The following PLP2 variants were observed in gnomAD, a reference collection of about 807,000 sequenced individuals.
The protein encoded by PLP2 is A4 differentiation-dependent protein.
In PLP2, 8 loss-of-function variants were observed where a neutral mutation model predicts 11.4. That is an observed-to-expected ratio of 0.70 (90% CI 0.41 to 1.27). The LOEUF (loss-of-function observed/expected upper bound fraction) is 1.27. Ranked by LOEUF, PLP2 falls within the 50% of genes most tolerant of loss-of-function variation. The pLI is 0.01. For missense variants in PLP2, 127 were observed against 123.5 expected (o/e 1.03, Z -0.14); for synonymous variants, 50 against 53.2 (o/e 0.94, Z 0.26).
chrX:49,173,277 G>T lies in PLP2; in HGVS notation c.245G>T (p.Trp82Leu). ...HTKIPFINWP[W>L]SDFFRTLIAA... ...AAGATACCATTCATCAACTGGCCCT[G>T]GAGTGTGAGAAGGGGTCCACAATGG... Residue 82 changes from tryptophan to leucine, a missense_variant, in exon 2 of 5, where the codon TGG becomes TTG. By Grantham distance (61) the Trp-to-Leu change is moderately conservative. Transcript: ENST00000376327. 13 of 1,211,122 alleles carry T rather than the reference G, an allele frequency of 1.1e-5. No homozygotes were observed. Among genetic ancestry groups the T allele is most frequent in the Non-Finnish European group, 1.5e-5 (13 of 894,905 alleles).
At chrX:49,173,365 C>A in intron 2 of PLP2, 23 bp from the exon 3 acceptor site, 1 of 1,208,139 alleles carries the variant, frequency 8.3e-7, no homozygotes, top group Non-Finnish European at 1.1e-6. Context: ...TGACTTCCCT[C>A]TTCTCCTCCC....
chrX:49,172,013 G>C lies in PLP2; in HGVS notation c.13G>C (p.Glu5Gln). 1 of 1,202,139 alleles carries C rather than the reference G, an allele frequency of 8.3e-7. No homozygotes were observed. Among genetic ancestry groups the C allele is most frequent in the Non-Finnish European group, 1.1e-6 (1 of 887,098 alleles). Residue 5 changes from glutamate (E) to glutamine (Q), a missense_variant, in exon 1 of 5, where the codon GAG (glutamate) becomes CAG (glutamine). Transcript: ENST00000376327. ...TCCAGCCCATGCCATGGCGGATTCT[G>C]AGCGCCTCTCGGCTCCTGGCTGCTG... MADS[E>Q]RLSAPGCWAA...
Position 49,172,210 on chromosome X carries a change from G to A in PLP2, c.96+114G>A. The A allele has an allele frequency of 1.1e-5, 6 of 560,614 alleles. No individual in the cohort carries two copies. The South Asian group carries it at 1.5e-4, about 14-fold the overall frequency. 46.2% of individuals were successfully genotyped at this position (560,614 alleles called of 1,213,427 possible). ...TGGCCGGGGCGCTCGGCAGTGGGGTGCAGGTGGGTGGGTTCACGGTGGAGG... is the reference window on the plus strand; with the variant it reads ...TGGCCGGGGCGCTCGGCAGTGGGGTACAGGTGGGTGGGTTCACGGTGGAGG... On this transcript the variant is annotated intron_variant, in intron 1 of 4. Coordinates refer to ENST00000376327, the MANE Select transcript of PLP2 (RefSeq NM_002668.3).
Position 49,171,992 on chromosome X carries a change from G to A in PLP2, c.-9G>A. On this transcript the variant is annotated 5_prime_UTR_variant, in exon 1 of 5. Coordinates refer to ENST00000376327, the MANE Select transcript of PLP2 (RefSeq NM_002668.3). Reference sequence around the variant, plus strand: ...ATCCTCCGAGGCACCAGGGACTCCAGCCCATGCCATGGCGGATTCTGAGCG... The same window carrying A: ...ATCCTCCGAGGCACCAGGGACTCCAACCCATGCCATGGCGGATTCTGAGCG... The A allele has an allele frequency of 8.5e-7, 1 of 1,173,012 alleles. No homozygotes were observed. Among genetic ancestry groups the A allele is most frequent in the Non-Finnish European group, 1.2e-6 (1 of 861,583 alleles).
rs1557099419 is a variant in PLP2, at chrX:49,173,282, G to A, written c.249+1G>A. ...ACCATTCATCAACTGGCCCTGGAGT[G>A]TGAGAAGGGGTCCACAATGGCAAGA... On this transcript the variant is annotated splice_donor_variant, in intron 2 of 4. Coordinates refer to ENST00000376327, the MANE Select transcript of PLP2 (RefSeq NM_002668.3). LOFTEE classifies it high-confidence loss of function. 8.3e-7 allele frequency: 1 copy of A among 1,210,498 alleles called. No homozygotes were observed. The highest frequency in any genetic ancestry group is 1.7e-5 in the African/African-American group (1 of 57,757).
chrX:49,172,141 G>A, intron 1 of PLP2, 45 bp downstream of exon 1: 1 of 947,790 alleles, frequency 1.1e-6, no homozygotes, highest in East Asian at 3.2e-5. Flanking sequence ...GGGATGGGGT[G>A]GCTGGACCAT....
chrX:49,174,109 G>T (rs1036138838), intron 3 of PLP2, among the ~76,000 whole-genome samples: 23 of 111,042 alleles, frequency 2.1e-4, no homozygotes, highest in African/African-American at 7.2e-4. Context: ...CTTGAATTGT[G>T]CCCCCTACGG....
Position 49,175,082 on chromosome X carries a change from A to G in PLP2, c.*388A>G. ...GGATAAATGAATAATAAACATTGTT[A>G]AAATATACGATAATGAATAAAGTAA... On this transcript the variant is annotated 3_prime_UTR_variant, in exon 5 of 5. Coordinates refer to ENST00000376327, the MANE Select transcript of PLP2 (RefSeq NM_002668.3). The G allele has an allele frequency of 3.6e-6, 1 of 281,049 alleles. No individual in the cohort carries two copies. Among genetic ancestry groups the G allele is most frequent in the Non-Finnish European group, 6.3e-6 (1 of 158,357 alleles). 23.2% of individuals were successfully genotyped at this position (281,049 alleles called of 1,213,427 possible). A position where few individuals can be genotyped will look rare whatever the true frequency, so the allele number is the denominator to read the frequency against.
rs2065402810 is a variant in PLP2, at chrX:49,174,277, G to A, written c.346-58G>A. 3 of 872,745 alleles carry A rather than the reference G, an allele frequency of 3.4e-6. No individual in the cohort carries two copies. The Admixed American group carries it at 6.7e-5, about 19-fold the overall frequency. The allele number at this position is 872,745 out of a possible 1,213,427, so 71.9% of individuals were successfully genotyped here. ...GGAGGTGGTGGATACAAGAAGATAA[G>A]AGACTGAGTAACCTGACCAGCTAAT... On this transcript the variant is annotated intron_variant, in intron 3 of 4. Transcript: ENST00000376327.
At chrX:49,173,564 A>G (rs782026490) in intron 3 of PLP2, 81 bp downstream of exon 3, 124 of 1,198,716 alleles carry the variant, frequency 1.0e-4, no homozygotes, top group Non-Finnish European at 1.3e-4. Flanking sequence ...TGCTTCTGGC[A>G]GAAATCGTGT....
chrX:49,171,956 C>T lies in PLP2; in HGVS notation c.-45C>T, dbSNP rs1255279971. The stretch of plus-strand genomic sequence containing the variant: ...TGTACAGCGTCCTCGAAACCACGAG[C>T]AAGTGAGCAGATCCTCCGAGGCACC... On this transcript the variant is annotated 5_prime_UTR_variant, in exon 1 of 5. Transcript: ENST00000376327. The T allele has an allele frequency of 2.2e-6, 2 of 918,686 alleles. No individual in the cohort carries two copies. Among genetic ancestry groups the T allele is most frequent in the Non-Finnish European group, 1.6e-6 (1 of 636,723 alleles). 75.7% of individuals were successfully genotyped at this position (918,686 alleles called of 1,213,427 possible).
In PLP2 at chrX:49,174,649, TTCTC is replaced by T. The variant is rs782254758; in HGVS notation, c.437-19_437-16del. 8.3e-7 allele frequency: 1 copy of T among 1,197,871 alleles called. No individual in the cohort carries two copies. The highest frequency in any genetic ancestry group is 1.8e-5 in the African/African-American group (1 of 56,887). ...TGGGCATATAGATTCAGCCAATGCT[TTCTC>T]TCTTTTCCTCACCTGCAGACCCCGC... On this transcript the variant is annotated intron_variant, in intron 4 of 4. Transcript: ENST00000376327.
Position 49,175,033 on chromosome X carries a change from G to C in PLP2, c.*339G>C. ...GGGACCCACTCCAAATAATCTCCTC[G>C]GTGTGGGTGGTGGTTCTATAGAGGG... On this transcript the variant is annotated 3_prime_UTR_variant, in exon 5 of 5. Transcript: ENST00000376327. 2.6e-6 allele frequency: 1 copy of C among 379,464 alleles called. No homozygotes were observed. Among genetic ancestry groups the C allele is most frequent in the South Asian group, 4.5e-5 (1 of 22,178 alleles). The allele number at this position is 379,464 out of a possible 1,213,427, so 31.3% of individuals were successfully genotyped here.
In PLP2 at chrX:49,174,675, C is replaced by T; in HGVS notation, c.440C>T (p.Pro147Leu). 8.3e-7 allele frequency: 1 copy of T among 1,206,902 alleles called. No individual in the cohort carries two copies. The highest frequency in any genetic ancestry group is 1.1e-6 in the Non-Finnish European group (1 of 891,225). ...TCTCTCTTTTCCTCACCTGCAGACC[C>T]CGCAGATGGCCCGGTGTAGGCGAAC... is the stretch of plus-strand genomic sequence containing the variant. Reference protein sequence around the residue: ...QPRHTAAPTDPADGPV With the variant: ...QPRHTAAPTDLADGPV Residue 147 changes from proline to leucine, a missense_variant, in exon 5 of 5, where the codon CCC becomes CTC. By Grantham distance (98) the Pro-to-Leu change is moderately conservative. Coordinates refer to ENST00000376327, the MANE Select transcript of PLP2 (RefSeq NM_002668.3).
At chrX:49,172,329 A>T (rs1317750439) in intron 1 of PLP2, among the ~76,000 whole-genome samples, 1 of 110,989 alleles carries the variant, frequency 9.0e-6, no homozygotes. Flanking sequence ...CCTATAACGC[A>T]TACGGAGGGC....
At position 49,173,403 on chromosome X, in the gene PLP2, C is replaced by T. The variant is rs185151553; in HGVS notation, c.265C>T (p.Leu89Phe). The change falls in exon 3 of 5, where the codon CTC becomes TTC. Residue 89 changes from leucine (L) to phenylalanine (F), a missense_variant. By Grantham distance (22) the Leu-to-Phe change is conservative (BLOSUM62 0). Coordinates refer to ENST00000376327, the MANE Select transcript of PLP2 (RefSeq NM_002668.3). ...CACCTCACAGGATTTCTTCCGAACC[C>T]TCATAGCGGCAATCCTCTACCTGAT... ...NWPWSDFFRT[L>F]IAAILYLITS... 1.4e-4 allele frequency: 174 copies of T among 1,209,606 alleles called. 1 individual carries two copies. In the East Asian group the frequency reaches 4.7e-3, roughly 32 times the overall value.
chrX:49,174,297 G>A (rs1569526009), intron 3 of PLP2, 38 bp from the exon 4 acceptor site: 2 of 1,016,772 alleles, frequency 2.0e-6, no homozygotes. Flanking sequence ...AACCTGACCA[G>A]CTAATCTAAA....
At chrX:49,172,715 G>T (rs961334702) in intron 1 of PLP2, among the ~76,000 whole-genome samples, 1 of 112,454 alleles carries the variant, frequency 8.9e-6, no homozygotes, top group Non-Finnish European at 1.9e-5. Flanking sequence ...GGGGTTGCTG[G>T]GGGAACCGCG....
Position 49,175,005 on chromosome X carries a change from G to C in PLP2, c.*311G>C. The C allele has an allele frequency of 2.4e-6, 1 of 409,347 alleles. No homozygotes were observed. 33.7% of individuals were successfully genotyped at this position (409,347 alleles called of 1,213,427 possible). ...TTAGATTTCAGAGTCCAGGCCCTAG[G>C]TTGGGACCCACTCCAAATAATCTCC... On this transcript the variant is annotated 3_prime_UTR_variant, in exon 5 of 5. Transcript: ENST00000376327.
Sources: allele counts gnomAD v4.1 joint callset (sites outside exome capture counted in the v4.1 genomes callset), GRCh38; gene constraint gnomAD v4.1.1; transcripts MANE v1.5; gene names NCBI Gene and HGNC (gene_info 2026-07-23, HGNC 2026-07-21).